Variants in DGKI observed in about 807,000 individuals in gnomAD.
DGKI encodes diacylglycerol kinase iota.
In DGKI, 55 loss-of-function variants were observed where a neutral mutation model predicts 147.5. That is an observed-to-expected ratio of 0.37 (90% CI 0.30 to 0.47). The LOEUF is 0.47. Ranked by LOEUF, DGKI falls within the 20% of genes least tolerant of loss-of-function variation. The pLI is 1.00. For missense variants in DGKI, 1,007 were observed against 1,323.8 expected, an observed-to-expected ratio of 0.76 and a Z score of 3.71; for synonymous variants, 469 against 477.1, an observed-to-expected ratio of 0.98 and a Z score of 0.22.
intron 3 of DGKI, among the ~76,000 whole-genome samples, chr7:137,672,490 A>G (rs531561569): frequency 6.6e-6 from 1 of 152,332 alleles, no homozygotes; most frequent in Admixed American, 6.5e-5. Flanking sequence ...ATCCCACTCA[A>G]TGGCAATGGG....
chr7:137,528,319 G>T (rs1817222835), intron 20 of DGKI, among the ~76,000 whole-genome samples: 1 of 152,124 alleles, frequency 6.6e-6, no homozygotes, highest in African/African-American at 2.4e-5. Context: ...AATGGTAGAT[G>T]TCCCCATCAA....
At chr7:137,522,778 T>G (rs1030447507) in intron 20 of DGKI, among the ~76,000 whole-genome samples, 1 of 152,138 alleles carries the variant, frequency 6.6e-6, no homozygotes, top group African/African-American at 2.4e-5. Context: ...GGGCATTAGT[T>G]GAGTGGAATA....
At chr7:137,687,787 C>A (rs1823471114) in intron 2 of DGKI, among the ~76,000 whole-genome samples, 1 of 152,142 alleles carries the variant, frequency 6.6e-6, no homozygotes, top group South Asian at 2.1e-4. Flanking sequence ...CAAGGAAGGG[C>A]TTTCGGTTTT....
At chr7:137,396,433 T>C (rs1052270914) in intron 31 of DGKI, among the ~76,000 whole-genome samples, 1 of 152,156 alleles carries the variant, frequency 6.6e-6, no homozygotes, top group African/African-American at 2.4e-5. Flanking sequence ...GGTATTCCTA[T>C]CCTGAGCCCA....
At chr7:137,503,104 C>G (rs1442423708) in intron 21 of DGKI, among the ~76,000 whole-genome samples, 1 of 152,140 alleles carries the variant, frequency 6.6e-6, no homozygotes, top group Non-Finnish European at 1.5e-5. Flanking sequence ...CCATTCCTCT[C>G]CTTTTCCGAT....
chr7:137,618,151 A>ATTTTTTTT lies in DGKI; in HGVS notation c.993+1665_993+1672dup, dbSNP rs1156891729. 7.7e-4 allele frequency among the ~76,000 whole-genome samples: 8 copies of ATTTTTTTT among 10,450 alleles called. 1 individual carries two copies. Among genetic ancestry groups the ATTTTTTTT allele is most frequent in the Admixed American group, 3.7e-3 (1 of 272 alleles). The allele number at this position is 10,450 out of a possible 152,430, so 6.9% of individuals were successfully genotyped here. On this transcript the variant is annotated intron_variant, in intron 8 of 32. Coordinates refer to ENST00000614521, the MANE Select transcript of DGKI (RefSeq NM_001321708.2). ...ACTATATATATATATATATATATAT[A>ATTTTTTTT]TTTTTTTTTTTTTACTCTATCATTC... is the stretch of plus-strand genomic sequence containing the variant.
At position 137,846,640 on chromosome 7, in the gene DGKI, C is replaced by G. The variant is rs764154629; in HGVS notation, c.223G>C (p.Gly75Arg). 7.5e-6 allele frequency: 8 copies of G among 1,067,126 alleles called. No individual in the cohort carries two copies. The highest frequency in any genetic ancestry group is 9.0e-6 in the Non-Finnish European group (8 of 885,912). 66.1% of individuals were successfully genotyped at this position (1,067,126 alleles called of 1,614,324 possible). ...ATGGSSSSGS[G>R]AGSCCLGAEG... ...GCGCCCAGGCAGCAGCTCCCGGCGC[C>G]GCTTCCGCTGCTGCTGCTGCCGCCC... Residue 75 changes from glycine to arginine, a missense_variant, in exon 1 of 33, where the codon GGC (glycine) becomes CGC (arginine). Physicochemically the swap from Gly to Arg is moderately radical, Grantham distance 125. Around this residue, in one of 5 missense-constraint regions of DGKI, gnomAD observed 137 missense variants for 114.4 expected, o/e 1.20. Transcript: ENST00000614521. This position sits in a 1 kb window ranked among gnomAD's most constrained non-coding sequence, Gnocchi z 4.0.
intron 1 of DGKI, among the ~76,000 whole-genome samples, chr7:137,781,743 T>C (rs1796524312): frequency 6.6e-6 from 1 of 152,232 alleles, no homozygotes; most frequent in African/African-American, 2.4e-5. Flanking sequence ...TGTTTTGTTT[T>C]GTTTTTTAAT....
intron 6 of DGKI, among the ~76,000 whole-genome samples, chr7:137,626,212 G>C (rs886617443): frequency 5.3e-5 from 8 of 151,952 alleles, no homozygotes; most frequent in Admixed American, 1.3e-4. Context: ...CTGAACCTGG[G>C]GTGGTCTTGA....
At chr7:137,834,872 G>A (rs1798320874) in intron 1 of DGKI, among the ~76,000 whole-genome samples, 1 of 152,174 alleles carries the variant, frequency 6.6e-6, no homozygotes, top group Non-Finnish European at 1.5e-5. Context: ...AATAGTGATA[G>A]TGCAATCAAA....
intron 6 of DGKI, among the ~76,000 whole-genome samples, chr7:137,627,981 T>C (rs748921430): frequency 2.0e-5 from 3 of 152,214 alleles, no homozygotes; most frequent in Non-Finnish European, 2.9e-5. Context: ...CATTTAAAAC[T>C]CTTTATAACA....
chr7:137,502,848 A>C (rs2128943436), intron 21 of DGKI, among the ~76,000 whole-genome samples: 1 of 152,212 alleles, frequency 6.6e-6, no homozygotes, highest in South Asian at 2.1e-4. Context: ...AGTTTCTACT[A>C]GTTTTCAACA....
In DGKI at chr7:137,471,802, A is replaced by G. The variant is rs531451924; in HGVS notation, c.2374-2183T>C. Among the ~76,000 whole-genome samples, 71 of 150,342 alleles carry G rather than the reference A, an allele frequency of 4.7e-4. 1 individual carries two copies. The highest frequency in any genetic ancestry group is 1.2e-3 in the Admixed American group (18 of 15,026). ...ACCAAAATCTATATTTATAAATATA[A>G]AATATGTATATCATTTATATTTATA... On this transcript the variant is annotated intron_variant, in intron 23 of 32. Coordinates refer to ENST00000614521, the MANE Select transcript of DGKI (RefSeq NM_001321708.2).
chr7:137,715,549 A>T, intron 1 of DGKI, among the ~76,000 whole-genome samples: 1 of 152,188 alleles, frequency 6.6e-6, no homozygotes, highest in East Asian at 1.9e-4. Context: ...CCAGACCACC[A>T]ATTGGGTATT....
intron 1 of DGKI, among the ~76,000 whole-genome samples, chr7:137,732,926 T>C (rs1362377212): frequency 1.3e-5 from 2 of 151,884 alleles, no homozygotes; most frequent in Non-Finnish European, 2.9e-5. Context: ...CGTATCCCCC[T>C]CACTTCTCAA....
chr7:137,517,340 A>G (rs1377524687), intron 21 of DGKI, among the ~76,000 whole-genome samples: 1 of 123,732 alleles, frequency 8.1e-6, no homozygotes, highest in East Asian at 2.6e-4. Context: ...AGAAAGAAAG[A>G]GAAAGAAAGA....
At position 137,772,939 on chromosome 7, in the gene DGKI, A is replaced by T. The variant is rs970856245; in HGVS notation, c.401+73523T>A. On this transcript the variant is annotated intron_variant, in intron 1 of 32. Coordinates refer to ENST00000614521, the MANE Select transcript of DGKI (RefSeq NM_001321708.2). ...CTAGACAATGGGGGTGGAGAGAGGA[A>T]GGGTGAGTCAGTGTCACAATGGAAT... is the stretch of plus-strand genomic sequence containing the variant. 7.9e-5 allele frequency among the ~76,000 whole-genome samples: 12 copies of T among 152,318 alleles called. No homozygotes were observed. The East Asian group carries it at 1.2e-3, about 15-fold the overall frequency.
chr7:137,398,575 T>A (rs1306340395), intron 30 of DGKI, among the ~76,000 whole-genome samples: 1 of 152,178 alleles, frequency 6.6e-6, no homozygotes, highest in Non-Finnish European at 1.5e-5. Context: ...TTATTAAAAA[T>A]TAACTTATTG....
intron 21 of DGKI, among the ~76,000 whole-genome samples, chr7:137,521,111 C>T (rs185552581): frequency 6.6e-6 from 1 of 152,094 alleles, no homozygotes; most frequent in Admixed American, 6.6e-5. Flanking sequence ...AGCCGAGAAC[C>T]CTAATATCTA....
Sources: allele counts gnomAD v4.1 joint callset (sites outside exome capture counted in the v4.1 genomes callset), GRCh38; gene constraint gnomAD v4.1.1; regional missense constraint gnomAD v4.1.1; non-coding constraint Gnocchi (gnomAD v3.1); transcripts MANE v1.5; gene names NCBI Gene and HGNC (gene_info 2026-07-23, HGNC 2026-07-21).